The following SERPINA9 variants were observed in gnomAD, a reference collection of about 807,000 sequenced individuals.
SERPINA9 encodes serpin A9.
A neutral mutation model predicts 24.5 loss-of-function variants in SERPINA9; 32 were observed. That is an observed-to-expected ratio of 1.30 (90% CI 0.98 to 1.75). The LOEUF is 1.75. Among genes scored for constraint, SERPINA9 ranks in the 40% most tolerant of loss-of-function variants. The pLI is 0.00. For synonymous variants in SERPINA9, 233 were observed against 197.7 expected (o/e 1.18, Z -1.50); for missense variants, 594 against 497.1 (o/e 1.19, Z -1.85).
At chr14:94,472,664 C>T (rs1027236752) in intron 1 of SERPINA9, among the ~76,000 whole-genome samples, 6 of 152,138 alleles carry the variant, frequency 3.9e-5, no homozygotes, top group Non-Finnish European at 8.8e-5. Flanking sequence ...GGAAGACAGA[C>T]AATTAGCAAA....
chr14:94,463,045 T>C lies in SERPINA9; in HGVS notation c.*48A>G. 2.7e-6 allele frequency: 4 copies of C among 1,469,492 alleles called. No individual in the cohort carries two copies. Among genetic ancestry groups the C allele is most frequent in the Non-Finnish European group, 3.8e-6 (4 of 1,048,100 alleles). 91.0% of individuals were successfully genotyped at this position (1,469,492 alleles called of 1,614,324 possible). On this transcript the variant is annotated 3_prime_UTR_variant, in exon 5 of 5. Transcript: ENST00000674397. ...ACAGAAAGAGGGATGTGGTTTGTTA[T>C]TTCTTGTGCATTAGCAATGTGCCAT...
rs1390796005 is a variant in SERPINA9 at position 94,467,692 on chromosome 14, C to T, written c.629-310G>A. The stretch of plus-strand genomic sequence containing the variant: ...TACCAGTTTTCTTTCCTTCTCTTTC[C>T]TCTTTGCAGGATGGATGGATAAATG... On this transcript the variant is annotated intron_variant, in intron 2 of 4. Transcript: ENST00000674397. Among the ~76,000 whole-genome samples the T allele has an allele frequency of 5.9e-5, 9 of 152,180 alleles. No homozygotes were observed. The East Asian group carries it at 1.7e-3, about 29-fold the overall frequency.
chr14:94,465,140 G>C (rs550222446), intron 3 of SERPINA9, among the ~76,000 whole-genome samples: 15 of 152,292 alleles, frequency 9.8e-5, no homozygotes, highest in African/African-American at 3.1e-4. Context: ...AAACCAACAG[G>C]AGACGTCCAG....
intron 1 of SERPINA9, among the ~76,000 whole-genome samples, chr14:94,475,331 T>A (rs1400355611): frequency 6.6e-6 from 1 of 152,094 alleles, no homozygotes; most frequent in Non-Finnish European, 1.5e-5. Context: ...AAGCTTCACC[T>A]TTTCCATGTC....
intron 1 of SERPINA9, among the ~76,000 whole-genome samples, chr14:94,475,634 T>G (rs1899575179): frequency 6.6e-6 from 1 of 152,270 alleles, no homozygotes; most frequent in Middle Eastern, 3.4e-3. Flanking sequence ...GGCCCTCCTT[T>G]GAGGTCCAGT....
At chr14:94,463,985 C>T (rs1293567659) in intron 4 of SERPINA9, among the ~76,000 whole-genome samples, 1 of 152,224 alleles carries the variant, frequency 6.6e-6, no homozygotes, top group Non-Finnish European at 1.5e-5. Flanking sequence ...TTATAATCCA[C>T]TATCAAAATA....
chr14:94,463,785 G>A (rs952425250), intron 4 of SERPINA9, among the ~76,000 whole-genome samples: 2 of 152,162 alleles, frequency 1.3e-5, no homozygotes, highest in Non-Finnish European at 2.9e-5. Flanking sequence ...TCTTAACCTG[G>A]AGTTCCTGGA....
Position 94,469,703 on chromosome 14 carries a change from G to GGAAT in SERPINA9, c.134_137dup (p.Leu47PhefsTer112), listed in dbSNP as rs761355901. 7 of 1,609,292 alleles carry GGAAT rather than the reference G, an allele frequency of 4.3e-6. No individual in the cohort carries two copies. The highest frequency in any genetic ancestry group is 5.9e-6 in the Non-Finnish European group (7 of 1,176,800). ...GGCGGAAGGCAAAGTCGGTGTTGAG[G>GGAAT]GAATACACCTGTGAGGCAGGGGTGC... is the stretch of plus-strand genomic sequence containing the variant. On this transcript the variant is annotated frameshift_variant, in exon 2 of 5. Transcript: ENST00000674397. LOFTEE classifies it high-confidence loss of function.
rs1444092346 is a variant in SERPINA9 at position 94,462,974 on chromosome 14, C to A, written c.*119G>T. The A allele has an allele frequency of 1.2e-6, 1 of 837,344 alleles. No homozygotes were observed. Among genetic ancestry groups the A allele is most frequent in the Non-Finnish European group, 2.0e-6 (1 of 509,980 alleles). 51.9% of individuals were successfully genotyped at this position (837,344 alleles called of 1,614,324 possible). Reference sequence around the variant, plus strand: ...GGTGATTGAGCCTTGGAAGTGGCATCCCTGCCAGCGAATCCAGCTCCACTG... The same window carrying A: ...GGTGATTGAGCCTTGGAAGTGGCATACCTGCCAGCGAATCCAGCTCCACTG... On this transcript the variant is annotated 3_prime_UTR_variant, in exon 5 of 5. Coordinates refer to ENST00000674397, the MANE Select transcript of SERPINA9 (RefSeq NM_175739.4).
chr14:94,464,354 G>C (rs1049768553), intron 4 of SERPINA9: 1 of 311,244 alleles, frequency 3.2e-6, no homozygotes, highest in Middle Eastern at 8.6e-4. Context: ...ACATCTACAG[G>C]GTGCAGATGA....
rs1200710997 is a variant in SERPINA9 at position 94,467,507 on chromosome 14, C to T, written c.629-125G>A. 2.8e-5 allele frequency: 24 copies of T among 846,564 alleles called. No homozygotes were observed. The East Asian group carries it at 4.8e-4, about 17-fold the overall frequency. The allele number at this position is 846,564 out of a possible 1,614,324, so 52.4% of individuals were successfully genotyped here. ...TTCTTTTTGAGGTGACAAAAAAATGCTCTGATATTACACAGCGGAGTAGTT... is the reference window on the plus strand; with the variant it reads ...TTCTTTTTGAGGTGACAAAAAAATGTTCTGATATTACACAGCGGAGTAGTT... On this transcript the variant is annotated intron_variant, in intron 2 of 4. Transcript: ENST00000674397.
intron 1 of SERPINA9, among the ~76,000 whole-genome samples, chr14:94,475,060 C>T (rs574590240): frequency 4.6e-5 from 7 of 152,258 alleles, no homozygotes; most frequent in African/African-American, 7.2e-5. Flanking sequence ...CCCCTATCTT[C>T]GTTTGCCTCT....
rs886346419 is a variant in SERPINA9 at position 94,466,982 on chromosome 14, T to C, written c.902+127A>G. 5.8e-6 allele frequency: 6 copies of C among 1,043,156 alleles called. No homozygotes were observed. In the African/African-American group the frequency reaches 9.6e-5, roughly 17 times the overall value. 64.6% of individuals were successfully genotyped at this position (1,043,156 alleles called of 1,614,324 possible). On this transcript the variant is annotated intron_variant, in intron 3 of 4. Transcript: ENST00000674397. ...TGTATAGACAGCCCCAGGCTCTCTG[T>C]CCTGCATGCAGTTGGTGCTCACTGT...
At position 94,464,721 on chromosome 14, in the gene SERPINA9, G is replaced by C. The variant is rs558575103; in HGVS notation, c.1036C>G (p.Leu346Val). 4.3e-6 allele frequency: 7 copies of C among 1,613,266 alleles called. No homozygotes were observed. The East Asian group carries it at 1.3e-4, about 31-fold the overall frequency. Residue 346 changes from leucine to valine, a missense_variant, in exon 4 of 5, where the codon CTG becomes GTG. By Grantham distance (32) the Leu-to-Val change is conservative. Coordinates refer to ENST00000674397, the MANE Select transcript of SERPINA9 (RefSeq NM_175739.4). ...DFSGIAKRDS[L>V]QVSKATHKAV... is the part of the protein sequence containing the mutation. ...ATTCAACTCACTTTAGAAACCTGCA[G>C]GGAGTCTCTCTTTGCAATTCCAGAA...
At chr14:94,471,231 G>A (rs940909387) in intron 1 of SERPINA9, among the ~76,000 whole-genome samples, 9 of 152,114 alleles carry the variant, frequency 5.9e-5, no homozygotes, top group Admixed American at 2.0e-4. Flanking sequence ...TAGGAGCACC[G>A]GCATGAAGTG....
chr14:94,466,640 C>T (rs1240776978), intron 3 of SERPINA9, among the ~76,000 whole-genome samples: 1 of 152,220 alleles, frequency 6.6e-6, no homozygotes, highest in Non-Finnish European at 1.5e-5. Flanking sequence ...ATTTACTGAA[C>T]ACTTACTATC....
At position 94,469,466 on chromosome 14, in the gene SERPINA9, G is replaced by C; in HGVS notation, c.375C>G (p.Ser125Arg). 6.2e-7 allele frequency: 1 copy of C among 1,614,208 alleles called. No homozygotes were observed. The highest frequency in any genetic ancestry group is 2.2e-5 in the East Asian group (1 of 44,878). Reference protein sequence around the residue: ...QHLVHSLTVPSKDLTLKMGSA... With the variant: ...QHLVHSLTVPRKDLTLKMGSA... ...TTCCCATCTTCAAGGTCAGGTCTTT[G>C]CTGGGAACAGTCAGTGAGTGAACCA... Residue 125 changes from serine (S) to arginine (R), a missense_variant, in exon 2 of 5, where the codon AGC becomes AGG. Ser to Arg is a moderately radical substitution (Grantham distance 110). Coordinates refer to ENST00000674397, the MANE Select transcript of SERPINA9 (RefSeq NM_175739.4).
chr14:94,466,993 G>A (rs968274211), intron 3 of SERPINA9, 116 bp downstream of exon 3: 5 of 1,176,210 alleles, frequency 4.3e-6, no homozygotes, highest in Non-Finnish European at 6.0e-6. Context: ...CCTGCATGCA[G>A]TTGGTGCTCA....
chr14:94,468,610 G>A (rs540888129), intron 2 of SERPINA9, among the ~76,000 whole-genome samples: 1 of 152,294 alleles, frequency 6.6e-6, no homozygotes, highest in Admixed American at 6.5e-5. Context: ...ATGGGGTAGA[G>A]GTGAAATTCA....
Sources: allele counts gnomAD v4.1 joint callset (sites outside exome capture counted in the v4.1 genomes callset), GRCh38; gene constraint gnomAD v4.1.1; transcripts MANE v1.5; gene names NCBI Gene and HGNC (gene_info 2026-07-23, HGNC 2026-07-21).